MARCHF1: variants seen among roughly 807,000 people sequenced by gnomAD.
The protein encoded by MARCHF1 is E3 ubiquitin-protein ligase MARCHF1.
Under a neutral mutation model 54.2 loss-of-function variants are expected in MARCHF1, and 40 were observed. The ratio of observed to expected loss-of-function variants is 0.74; its 90% CI spans 0.57 to 0.96. MARCHF1 has a LOEUF of 0.96. Among genes scored for constraint, MARCHF1 ranks in the 40% least tolerant of loss-of-function variants. MARCHF1 has a pLI of 0.00. For missense variants in MARCHF1, 586 were observed against 656.5 expected (o/e 0.89, Z 1.17); for synonymous variants, 236 against 236.3 (o/e 1.00, Z 0.01).
intron 2 of MARCHF1, among the ~76,000 whole-genome samples, chr4:164,075,596 G>A (rs1319805558): frequency 1.3e-5 from 2 of 152,178 alleles, no homozygotes; most frequent in South Asian, 2.1e-4. Flanking sequence ...TACTGTGGTC[G>A]TTTGTTACAT....
At chr4:163,536,083 T>C (rs2110883025) in intron 9 of MARCHF1, among the ~76,000 whole-genome samples, 1 of 152,300 alleles carries the variant, frequency 6.6e-6, no homozygotes, top group Non-Finnish European at 1.5e-5. Flanking sequence ...GTCTCTTTAT[T>C]GGGAAATTTG....
chr4:163,979,630 T>A (rs1033546544), intron 3 of MARCHF1, among the ~76,000 whole-genome samples: 2 of 151,854 alleles, frequency 1.3e-5, no homozygotes, highest in African/African-American at 4.8e-5. Flanking sequence ...TAGTTTACAG[T>A]CCCACCAACA....
At chr4:163,836,214 AATTTATTTATTT>A (rs66939546) in intron 4 of MARCHF1, among the ~76,000 whole-genome samples, 2,314 of 137,910 alleles carry the variant, frequency 0.017, 25 homozygotes, top group African/African-American at 0.022. Context: ...TGGTAGTTGC[AATTTATTTATTT>A]ATTTATTTAT....
At chr4:163,783,399 C>T (rs1031553869) in intron 4 of MARCHF1, among the ~76,000 whole-genome samples, 1 of 152,164 alleles carries the variant, frequency 6.6e-6, no homozygotes, top group Non-Finnish European at 1.5e-5. Flanking sequence ...AGGGAAGGGT[C>T]CTTGGCTGTA....
intron 7 of MARCHF1, among the ~76,000 whole-genome samples, chr4:163,608,163 T>A (rs777665827): frequency 1.3e-5 from 2 of 152,156 alleles, no homozygotes; most frequent in African/African-American, 4.8e-5. Flanking sequence ...ATAATGCCTA[T>A]ATTTTAGCAA....
At chr4:163,725,241 T>G (rs140296077) in intron 4 of MARCHF1, among the ~76,000 whole-genome samples, 1 of 152,292 alleles carries the variant, frequency 6.6e-6, no homozygotes, top group Non-Finnish European at 1.5e-5. Context: ...AAGTTCATAT[T>G]TCAAGAATTA....
intron 2 of MARCHF1, among the ~76,000 whole-genome samples, chr4:164,055,496 C>A (rs1183305691): frequency 6.6e-6 from 1 of 151,086 alleles, no homozygotes; most frequent in Non-Finnish European, 1.5e-5. Context: ...ATGGAACGAT[C>A]AAGGATGTCC....
At chr4:163,895,862 T>C (rs530365980) in intron 3 of MARCHF1, among the ~76,000 whole-genome samples, 1 of 152,276 alleles carries the variant, frequency 6.6e-6, no homozygotes, top group South Asian at 2.1e-4. Context: ...CACTTACTTA[T>C]GACTCTCTCA....
chr4:163,919,107 C>A lies in MARCHF1; in HGVS notation c.-38-64938G>T, dbSNP rs191805250. On this transcript the variant is annotated intron_variant, in intron 3 of 9. Transcript: ENST00000514618. The stretch of plus-strand genomic sequence containing the variant: ...TACAATCTATGATTAATATTGATTT[C>A]TTCTGAAGATTGTAAGCAGGAATCA... Among the ~76,000 whole-genome samples, 238 of 152,138 alleles carry A rather than the reference C, an allele frequency of 1.6e-3. 1 individual carries two copies. Among genetic ancestry groups the A allele is most frequent in the African/African-American group, 5.5e-3 (228 of 41,542 alleles).
intron 4 of MARCHF1, among the ~76,000 whole-genome samples, chr4:163,844,757 A>T (rs371190583): frequency 5.3e-5 from 8 of 152,310 alleles, no homozygotes; most frequent in South Asian, 2.1e-4. Context: ...TGGAGCCCAA[A>T]CCTGCAACTT....
intron 4 of MARCHF1, among the ~76,000 whole-genome samples, chr4:163,798,373 A>G (rs60823138): frequency 0.058 from 8,779 of 152,190 alleles, 647 homozygotes; most frequent in East Asian, 0.29. Context: ...AATAAAAATT[A>G]TTTTTGTTTA....
intron 4 of MARCHF1, among the ~76,000 whole-genome samples, chr4:163,730,394 G>C (rs1745790583): frequency 6.6e-6 from 1 of 151,974 alleles, no homozygotes; most frequent in South Asian, 2.1e-4. Flanking sequence ...GATTTTCTCA[G>C]AAACAGTTTC....
At chr4:163,896,703 T>C (rs768807443) in intron 3 of MARCHF1, among the ~76,000 whole-genome samples, 17 of 152,178 alleles carry the variant, frequency 1.1e-4, no homozygotes, top group Non-Finnish European at 2.4e-4. Flanking sequence ...TGGTCAAAAA[T>C]AGTTACTTTT....
At chr4:164,325,184 C>T (rs1483463013) in intron 1 of MARCHF1, among the ~76,000 whole-genome samples, 1 of 151,364 alleles carries the variant, frequency 6.6e-6, no homozygotes, top group African/African-American at 2.4e-5. Context: ...ATCAAAGATA[C>T]AGGTAATAAT....
intron 4 of MARCHF1, among the ~76,000 whole-genome samples, chr4:163,822,008 C>A (rs7658388): frequency 0.77 from 116,514 of 151,764 alleles, 46,151 homozygotes; most frequent in South Asian, 0.88. Context: ...TGTAATAAGA[C>A]AAAATTAATA....
chr4:163,908,484 A>T (rs1751119565), intron 3 of MARCHF1, among the ~76,000 whole-genome samples: 1 of 152,216 alleles, frequency 6.6e-6, no homozygotes, highest in Non-Finnish European at 1.5e-5. Context: ...TATCAATAAA[A>T]TTCCAAGTTC....
chr4:163,673,418 T>C lies in MARCHF1; in HGVS notation c.162+27395A>G, dbSNP rs141683615. On this transcript the variant is annotated intron_variant, in intron 5 of 9. Transcript: ENST00000514618. ...AGCTTAACACTAGGCTTTTATTTTG[T>C]TATTCTTTTTCTTTTTTGGCTTTTT... Among the ~76,000 whole-genome samples, 17 of 152,336 alleles carry C rather than the reference T, an allele frequency of 1.1e-4. No homozygotes were observed. In the East Asian group the frequency reaches 3.3e-3, roughly 29 times the overall value.
At position 164,010,238 on chromosome 4, in the gene MARCHF1, T is replaced by G. The variant is rs971250457; in HGVS notation, c.-247-21529A>C. Among the ~76,000 whole-genome samples, 64 of 151,260 alleles carry G rather than the reference T, an allele frequency of 4.2e-4. 1 individual carries two copies. The highest frequency in any genetic ancestry group is 1.2e-3 in the African/African-American group (51 of 41,158). On this transcript the variant is annotated intron_variant, in intron 2 of 9. Transcript: ENST00000514618. The stretch of plus-strand genomic sequence containing the variant: ...CATGCCACCACGCTCAGCGTTTTTT[T>G]TTGTTGTTGTTTTTTGGTTTTTTTT...
At chr4:163,975,182 T>TCACACA (rs1337027396) in intron 3 of MARCHF1, among the ~76,000 whole-genome samples, 4 of 139,390 alleles carry the variant, frequency 2.9e-5, no homozygotes, top group African/African-American at 9.2e-5. Flanking sequence ...TCTCTCTCTC[T>TCACACA]CTCTCTCTCT....
Sources: gnomAD v4.1 joint callset for allele counts (sites outside exome capture counted in the v4.1 genomes callset) on GRCh38, gnomAD v4.1.1 for gene constraint, MANE v1.5 for transcripts, NCBI Gene and HGNC (gene_info 2026-07-23, HGNC 2026-07-21) for gene names.